PRIM2: variants seen among roughly 807,000 people sequenced by gnomAD.
The protein encoded by PRIM2 is DNA primase subunit 2.
PRIM2 carries 39 observed loss-of-function variants against 67.3 expected under a neutral mutation model. The ratio of observed to expected loss-of-function variants is 0.58; its 90% CI spans 0.45 to 0.76. The LOEUF is 0.76. PRIM2 is among the 30% of genes least tolerant of loss of function. The probability of loss-of-function intolerance (pLI) is 0.00; values close to 1 mark genes in which losing one functional copy is unlikely to be tolerated. For missense variants in PRIM2, 398 were observed against 598.7 expected (o/e 0.66, Z 3.50); for synonymous variants, 143 against 198.7 (o/e 0.72, Z 2.36).
At chr6:57,360,232 T>C (rs1769153084) in intron 5 of PRIM2, among the ~76,000 whole-genome samples, 1 of 152,200 alleles carries the variant, frequency 6.6e-6, no homozygotes, top group Non-Finnish European at 1.5e-5. Context: ...AACACCTTCT[T>C]AAGTAGAAAG....
the PRIM2 span, among the ~76,000 whole-genome samples, chr6:57,293,547 T>C: frequency 1.3e-5 from 2 of 152,230 alleles, no homozygotes; most frequent in African/African-American, 2.4e-5. Context: ...GTATATTTAT[T>C]GTGGCACTAT....
intron 10 of PRIM2, among the ~76,000 whole-genome samples, chr6:57,547,915 G>C (rs1438876936): frequency 1.3e-5 from 2 of 152,188 alleles, no homozygotes; most frequent in African/African-American, 4.8e-5. Flanking sequence ...TTTATTGTTA[G>C]GATTTTTTAT....
chr6:57,374,871 C>G (rs1178192486), intron 5 of PRIM2, among the ~76,000 whole-genome samples: 1 of 152,234 alleles, frequency 6.6e-6, no homozygotes, highest in East Asian at 1.9e-4. Context: ...CAGGTATGAG[C>G]CACCTCACTC....
intron 7 of PRIM2, among the ~76,000 whole-genome samples, chr6:57,405,234 T>G (rs1161601498): frequency 2.0e-5 from 3 of 152,306 alleles, no homozygotes; most frequent in African/African-American, 7.2e-5. Flanking sequence ...CTTCGGTCAC[T>G]ACAAAGAAAG....
chr6:57,518,799 T>C (rs1774542614), intron 8 of PRIM2, among the ~76,000 whole-genome samples: 1 of 152,236 alleles, frequency 6.6e-6, no homozygotes, highest in African/African-American at 2.4e-5. Context: ...CTTTATGCAA[T>C]CAGGAACTAA....
At chr6:57,610,157 C>T (rs1480880713) in intron 12 of PRIM2, among the ~76,000 whole-genome samples, 5 of 152,296 alleles carry the variant, frequency 3.3e-5, no homozygotes, top group Middle Eastern at 3.4e-3. Context: ...CAACCTCCAC[C>T]TGCCGGCTTC....
intron 8 of PRIM2, among the ~76,000 whole-genome samples, chr6:57,516,703 A>G (rs1774495393): frequency 6.6e-6 from 1 of 152,170 alleles, no homozygotes; most frequent in East Asian, 1.9e-4. Flanking sequence ...TCAGTAATAC[A>G]TGCTCACACA....
intron 7 of PRIM2, among the ~76,000 whole-genome samples, chr6:57,490,082 A>C (rs1332076183): frequency 2.1e-4 from 32 of 152,216 alleles, no homozygotes; most frequent in Middle Eastern, 3.4e-3. Context: ...GAGCTGATGA[A>C]AACAGGTACA....
At chr6:57,260,655 G>A in the PRIM2 span, among the ~76,000 whole-genome samples, 1 of 152,098 alleles carries the variant, frequency 6.6e-6, no homozygotes, top group East Asian at 1.9e-4. Flanking sequence ...AAGATTCCAG[G>A]GACTCTGGGC....
the PRIM2 span, among the ~76,000 whole-genome samples, chr6:57,228,733 C>G: frequency 6.6e-6 from 1 of 152,226 alleles, no homozygotes; most frequent in Non-Finnish European, 1.5e-5. Context: ...AGCTGTACCA[C>G]TTACTAGCCG....
intron 7 of PRIM2, 31 bp from the exon 8 acceptor site, chr6:57,507,356 T>C: frequency 6.9e-7 from 1 of 1,447,510 alleles, no homozygotes; most frequent in Non-Finnish European, 9.3e-7. Context: ...CGGCCTTTGC[T>C]GTTTTTACTA....
rs1416528151 is a variant in PRIM2 at position 57,325,793 on chromosome 6, G to A, written c.339-132G>A. 6.2e-6 allele frequency: 5 copies of A among 810,918 alleles called. No homozygotes were observed. The South Asian group carries it at 6.9e-5, about 11-fold the overall frequency. 50.2% of individuals were successfully genotyped at this position (810,918 alleles called of 1,614,324 possible). A position where few individuals can be genotyped will look rare whatever the true frequency, so the allele number is the denominator to read the frequency against. The stretch of plus-strand genomic sequence containing the variant: ...TATTGATATTCTCCTTACCGTGATA[G>A]AGGACTTGCATGTTTTTAACTGCTG... On this transcript the variant is annotated intron_variant, in intron 4 of 13. Transcript: ENST00000615550.
chr6:57,475,069 G>C (rs1773442971), intron 7 of PRIM2, among the ~76,000 whole-genome samples: 2 of 152,150 alleles, frequency 1.3e-5, no homozygotes, highest in African/African-American at 4.8e-5. Context: ...TTGAGGCTCC[G>C]TCATGAAGGG....
At chr6:57,330,383 G>GTTTT (rs60270076) in intron 5 of PRIM2, among the ~76,000 whole-genome samples, 2 of 99,556 alleles carry the variant, frequency 2.0e-5, no homozygotes, top group Non-Finnish European at 1.9e-5. Flanking sequence ...TTGTTTTTTT[G>GTTTT]TTTTTTTTTT....
At chr6:57,373,565 T>A (rs1769639850) in intron 5 of PRIM2, among the ~76,000 whole-genome samples, 1 of 152,104 alleles carries the variant, frequency 6.6e-6, no homozygotes, top group South Asian at 2.1e-4. Flanking sequence ...AATTCTGGGG[T>A]TTTCATAGTT....
the PRIM2 span, among the ~76,000 whole-genome samples, chr6:57,227,671 A>G: frequency 6.6e-6 from 1 of 151,906 alleles, no homozygotes; most frequent in Non-Finnish European, 1.5e-5. Context: ...AAGAATAAAT[A>G]AATTCTTTTC....
At chr6:57,369,883 C>T (rs4712151) in intron 5 of PRIM2, among the ~76,000 whole-genome samples, 7 of 152,286 alleles carry the variant, frequency 4.6e-5, no homozygotes, top group African/African-American at 1.7e-4. Flanking sequence ...GCCTGAAATA[C>T]AGAAACTAAT....
the PRIM2 span, among the ~76,000 whole-genome samples, chr6:57,250,783 G>A: frequency 1.3e-5 from 2 of 152,098 alleles, no homozygotes; most frequent in Non-Finnish European, 2.9e-5. Context: ...ACTCTTTCCC[G>A]TTTTCACTCA....
At chr6:57,293,925 C>A in the PRIM2 span, among the ~76,000 whole-genome samples, 1 of 152,040 alleles carries the variant, frequency 6.6e-6, no homozygotes, top group Non-Finnish European at 1.5e-5. Context: ...TTTAACAAAC[C>A]TGCATGTTGT....
Sources: allele counts gnomAD v4.1 joint callset (sites outside exome capture counted in the v4.1 genomes callset), GRCh38; gene constraint gnomAD v4.1.1; transcripts MANE v1.5; gene names NCBI Gene and HGNC (gene_info 2026-07-23, HGNC 2026-07-21).